The following TRPM6 variants were observed in gnomAD, a reference collection of about 807,000 sequenced individuals.
The protein encoded by TRPM6 is transient receptor potential cation channel subfamily M member 6, also known as channel kinase 2.
Under a neutral mutation model 247.6 loss-of-function variants are expected in TRPM6, and 111 were observed. That is an observed-to-expected ratio of 0.45 (90% CI 0.38 to 0.52). TRPM6 has a LOEUF of 0.52. TRPM6 is among the 20% of genes least tolerant of loss of function. The pLI is 0.00. For missense variants in TRPM6, 2,126 were observed against 2,421.5 expected (o/e 0.88, Z 2.56); for synonymous variants, 892 against 853.8 (o/e 1.04, Z -0.78).
At chr9:74,820,568 G>C (rs1587542820) in intron 8 of TRPM6, 141 bp from the exon 9 acceptor site, 2 of 1,003,690 alleles carry the variant, frequency 2.0e-6, no homozygotes, top group Non-Finnish European at 3.0e-6. Flanking sequence ...ATGAGGGGGA[G>C]CAAACGGAAG....
chr9:74,740,567 T>C (rs1825829923), intron 33 of TRPM6, among the ~76,000 whole-genome samples: 1 of 152,206 alleles, frequency 6.6e-6, no homozygotes, highest in South Asian at 2.1e-4. Context: ...ACAAAATTCA[T>C]CTTTTTCATA....
At chr9:74,765,729 T>G (rs1013412737) in intron 25 of TRPM6, among the ~76,000 whole-genome samples, 2 of 152,176 alleles carry the variant, frequency 1.3e-5, no homozygotes, top group African/African-American at 4.8e-5. Flanking sequence ...AAAATAGTGT[T>G]AGACTTCCCA....
chr9:74,847,184 C>T (rs1830137916), intron 3 of TRPM6, among the ~76,000 whole-genome samples: 3 of 152,060 alleles, frequency 2.0e-5, no homozygotes, highest in African/African-American at 7.2e-5. Flanking sequence ...ATTATTATAA[C>T]ATTCTCACTT....
At chr9:74,820,242 A>G in intron 9 of TRPM6, 62 bp downstream of exon 9, 1 of 1,561,806 alleles carries the variant, frequency 6.4e-7, no homozygotes, top group Non-Finnish European at 8.8e-7. Context: ...GAAAATAAAT[A>G]TTACAGTGTT....
intron 37 of TRPM6, 114 bp from the exon 38 acceptor site, chr9:74,728,459 C>A: frequency 6.7e-6 from 5 of 747,122 alleles, no homozygotes; most frequent in Admixed American, 2.1e-5. Flanking sequence ...TTGAAGGAGC[C>A]AACAAAAAAC....
chr9:74,725,567 T>G (rs1054795982), intron 38 of TRPM6, among the ~76,000 whole-genome samples: 8 of 152,142 alleles, frequency 5.3e-5, no homozygotes, highest in Non-Finnish European at 1.0e-4. Context: ...GACTGAATTA[T>G]GGGGGTGGAT....
At chr9:74,781,738 T>C (rs76163146) in intron 23 of TRPM6, among the ~76,000 whole-genome samples, 2 of 152,122 alleles carry the variant, frequency 1.3e-5, no homozygotes, top group South Asian at 4.1e-4. Context: ...TCACTTGCTA[T>C]CCTTTCATAA....
At chr9:74,734,627 C>T (rs569172903) in intron 36 of TRPM6, among the ~76,000 whole-genome samples, 33 of 152,224 alleles carry the variant, frequency 2.2e-4, no homozygotes, top group African/African-American at 7.2e-4. Flanking sequence ...AAAGTGTCTG[C>T]CCCCTAGGAA....
In TRPM6 at chr9:74,762,283, G is replaced by C; in HGVS notation, c.4388C>G (p.Thr1463Ser). The change falls in exon 26 of 39, where the codon ACT becomes AGT. Residue 1463 changes from threonine to serine, a missense_variant. Physicochemically the swap from Thr to Ser is moderately conservative, Grantham distance 58. Coordinates refer to ENST00000360774, the MANE Select transcript of TRPM6 (RefSeq NM_017662.5). ...VNWAFSEGDE[T>S]GVFSIKKKWQ... ...CTTTTTCTTGATGCTAAACACACCA[G>C]TTTCATCACCTTCTGAAAATGCCCA... The C allele has an allele frequency of 6.2e-7, 1 of 1,614,232 alleles. No individual in the cohort carries two copies. Among genetic ancestry groups the C allele is most frequent in the South Asian group, 1.1e-5 (1 of 91,080 alleles).
At chr9:74,803,996 G>A in intron 14 of TRPM6, 110 bp from the exon 15 acceptor site, 1 of 771,444 alleles carries the variant, frequency 1.3e-6, no homozygotes, top group Non-Finnish European at 2.3e-6. Context: ...TTTATTTCTA[G>A]ACAATAATGA....
At chr9:74,734,376 C>T (rs991450802) in intron 36 of TRPM6, among the ~76,000 whole-genome samples, 2 of 152,108 alleles carry the variant, frequency 1.3e-5, no homozygotes, top group Non-Finnish European at 1.5e-5. Flanking sequence ...TTTTTGCTAT[C>T]GTCTGTAGGT....
chr9:74,762,547 G>T lies in TRPM6; in HGVS notation c.4124C>A (p.Thr1375Asn), dbSNP rs763521309. The change falls in exon 26 of 39, where the codon ACT becomes AAT. Residue 1375 changes from threonine to asparagine, a missense_variant. This residue lies in a region of TRPM6 where 717 missense variants were observed against 715.9 expected (regional missense o/e 1.00). Transcript: ENST00000360774. ...AACCTCAGTCTGGATGTCCTGTTCAGTTGCCAGCACATCTGGCACAGAGGG... is the reference window on the plus strand; with the variant it reads ...AACCTCAGTCTGGATGTCCTGTTCATTTGCCAGCACATCTGGCACAGAGGG... ...SRPSVPDVLA[T>N]EQDIQTEVLV... The T allele has an allele frequency of 5.0e-6, 8 of 1,614,174 alleles. No homozygotes were observed. In the East Asian group the frequency reaches 1.8e-4, roughly 36 times the overall value.
intron 27 of TRPM6, among the ~76,000 whole-genome samples, chr9:74,760,031 T>C (rs187057106): frequency 2.8e-4 from 42 of 152,308 alleles, no homozygotes; most frequent in Middle Eastern, 3.4e-3. Flanking sequence ...AATACAACGG[T>C]GGTCCCATAA....
rs367780879 is a variant in TRPM6, at chr9:74,740,027, G to A, written c.5201-18C>T. ...TTCTCCTGCTGCAAAGAGAAGTGAA[G>A]GCTAGGAATTCAATAAGATTGCCAT... On this transcript the variant is annotated intron_variant, in intron 33 of 38. Transcript: ENST00000360774. The A allele has an allele frequency of 1.2e-4, 196 of 1,612,784 alleles. 1 individual carries two copies. In the Middle Eastern group the frequency reaches 5.9e-3, roughly 49 times the overall value.
chr9:74,725,876 G>T (rs7038045), intron 38 of TRPM6, among the ~76,000 whole-genome samples: 2 of 152,130 alleles, frequency 1.3e-5, no homozygotes, highest in African/African-American at 4.8e-5. Context: ...TTATGAAACA[G>T]GTGCTATTAT....
chr9:74,853,239 G>A (rs1319061566), intron 3 of TRPM6, among the ~76,000 whole-genome samples: 1 of 151,490 alleles, frequency 6.6e-6, no homozygotes, highest in Non-Finnish European at 1.5e-5. Flanking sequence ...GGGAAGTGAG[G>A]AGCCCCTCCG....
At chr9:74,814,767 G>A (rs1434530968) in intron 11 of TRPM6, among the ~76,000 whole-genome samples, 1 of 151,984 alleles carries the variant, frequency 6.6e-6, no homozygotes, top group African/African-American at 2.4e-5. Context: ...TAGCCAACAT[G>A]GCAAACCCCT....
At chr9:74,752,781 A>G (rs1010191354) in intron 28 of TRPM6, among the ~76,000 whole-genome samples, 1 of 152,170 alleles carries the variant, frequency 6.6e-6, no homozygotes, top group African/African-American at 2.4e-5. Flanking sequence ...TAGCAACTGC[A>G]TCAAACATCA....
rs374483197 is a variant in TRPM6 at position 74,802,073 on chromosome 9, G to A, written c.1834C>T (p.Leu612=). The A allele has an allele frequency of 6.2e-7, 1 of 1,613,964 alleles. No individual in the cohort carries two copies. Among genetic ancestry groups the A allele is most frequent in the Non-Finnish European group, 8.5e-7 (1 of 1,180,028 alleles). Reference sequence around the variant, plus strand: ...CTTTTCATCAGCACAGCCCAAACCAGCAGGTCATTGTAAGGGTAAAGAAAG... The same window carrying A: ...CTTTTCATCAGCACAGCCCAAACCAACAGGTCATTGTAAGGGTAAAGAAAG... ...TGFLYPYNDL[L]VWAVLMKRQK... Residue 612 remains leucine, a synonymous_variant, in exon 16 of 39, where the codon CTG becomes TTG. Coordinates refer to ENST00000360774, the MANE Select transcript of TRPM6 (RefSeq NM_017662.5).
Sources: gnomAD v4.1 joint callset for allele counts (sites outside exome capture counted in the v4.1 genomes callset) on GRCh38, gnomAD v4.1.1 for gene constraint, gnomAD v4.1.1 regional missense constraint, MANE v1.5 for transcripts, NCBI Gene and HGNC (gene_info 2026-07-23, HGNC 2026-07-21) for gene names.